Variants in ZFPM1 observed in about 807,000 individuals in gnomAD.
ZFPM1 encodes zinc finger protein ZFPM1.
ZFPM1 carries 28 observed loss-of-function variants against 46.3 expected under a neutral mutation model. The ratio of observed to expected loss-of-function variants is 0.60; its 90% CI spans 0.45 to 0.83. The LOEUF (loss-of-function observed/expected upper bound fraction) is 0.83. Ranked by LOEUF, ZFPM1 falls within the 40% of genes least tolerant of loss-of-function variation. The probability of loss-of-function intolerance (pLI) is 0.00; values close to 1 mark genes in which losing one functional copy is unlikely to be tolerated. For missense variants in ZFPM1, 1,878 were observed against 1,432.4 expected (o/e 1.31, Z -5.02); for synonymous variants, 957 against 675.9 (o/e 1.42, Z -6.45).
intron 3 of ZFPM1, among the ~76,000 whole-genome samples, chr16:88,506,260 T>G (rs539705186): frequency 3.8e-5 from 2 of 52,278 alleles, no homozygotes; most frequent in African/African-American, 9.9e-5. Context: ...GGCACCAGGG[T>G]CAGGGGGCAG....
intron 3 of ZFPM1, among the ~76,000 whole-genome samples, chr16:88,498,681 A>G (rs1433253145): frequency 6.6e-6 from 1 of 152,218 alleles, no homozygotes; most frequent in Non-Finnish European, 1.5e-5. Flanking sequence ...CCGAGGGCGC[A>G]GTCCCGGAGC....
At chr16:88,499,104 C>T (rs994783028) in intron 3 of ZFPM1, among the ~76,000 whole-genome samples, 1 of 152,186 alleles carries the variant, frequency 6.6e-6, no homozygotes. Context: ...CAACGGCCCC[C>T]GTGGCTCCCC....
chr16:88,456,404 A>AC (rs1487508952), intron 1 of ZFPM1, among the ~76,000 whole-genome samples: 3 of 152,108 alleles, frequency 2.0e-5, no homozygotes, highest in Non-Finnish European at 4.4e-5. Flanking sequence ...TGAAAAAAAA[A>AC]AAATCAAGGT....
rs2033586183 is a variant in ZFPM1 at position 88,526,825 on chromosome 16, G to T, written c.414G>T (p.Leu138=). The T allele has an allele frequency of 6.7e-7, 1 of 1,481,736 alleles. No individual in the cohort carries two copies. The highest frequency in any genetic ancestry group is 9.2e-7 in the Non-Finnish European group (1 of 1,092,314). 91.8% of individuals were successfully genotyped at this position (1,481,736 alleles called of 1,614,324 possible). The change falls in exon 5 of 10, where the codon CTG becomes CTT. Residue 138 remains leucine, a synonymous_variant. Coordinates refer to ENST00000319555, the MANE Select transcript of ZFPM1 (RefSeq NM_153813.3). ...SPRQAEPSPA[L]TLLLVDEACW... ...CCCTCCCCCCCCAGAGCCCAGCCCT[G>T]ACCCTGCTGCTGGTGGACGAGGCCT...
In ZFPM1 at chr16:88,497,784, C is replaced by T. The variant is rs557782608; in HGVS notation, c.268+8631C>T. ...CCCCAGGGTCCCGACAGGGCCCGCC[C>T]GAGGCTGGGAATCCTCACCCGAGTG... On this transcript the variant is annotated intron_variant, in intron 3 of 9. Transcript: ENST00000319555. This position sits in a 1 kb window ranked among gnomAD's most constrained non-coding sequence, Gnocchi z 5.4. Among the ~76,000 whole-genome samples the T allele has an allele frequency of 1.1e-4, 17 of 152,270 alleles. No homozygotes were observed. The highest frequency in any genetic ancestry group is 4.1e-4 in the African/African-American group (17 of 41,562).
chr16:88,493,437 G>A (rs1298152975), intron 3 of ZFPM1, among the ~76,000 whole-genome samples: 2 of 141,214 alleles, frequency 1.4e-5, no homozygotes, highest in Non-Finnish European at 3.1e-5. Flanking sequence ...CTGTCCCGGG[G>A]TACGGAGAGC....
intron 4 of ZFPM1, among the ~76,000 whole-genome samples, chr16:88,523,808 C>T (rs554968694): frequency 2.7e-4 from 41 of 152,174 alleles, no homozygotes; most frequent in Non-Finnish European, 4.0e-4. Flanking sequence ...GGGTCGGGGG[C>T]GGGTGCCGGA....
chr16:88,506,595 A>G (rs1910674649), intron 3 of ZFPM1, among the ~76,000 whole-genome samples: 2 of 152,176 alleles, frequency 1.3e-5, no homozygotes, highest in Admixed American at 1.3e-4. Context: ...TGAGGAGCAG[A>G]GCCATTTCCC....
intron 1 of ZFPM1, among the ~76,000 whole-genome samples, chr16:88,461,106 C>A (rs1269670324): frequency 3.4e-4 from 21 of 61,902 alleles, no homozygotes; most frequent in African/African-American, 5.4e-4. Flanking sequence ...GGGCAGGAGG[C>A]CCTGGTGAGG....
intron 2 of ZFPM1, among the ~76,000 whole-genome samples, chr16:88,488,401 C>G (rs1424449367): frequency 3.3e-5 from 5 of 152,270 alleles, no homozygotes; most frequent in Non-Finnish European, 5.9e-5. Context: ...AGCGCAGGAG[C>G]TGTCTGCCGC....
intron 3 of ZFPM1, among the ~76,000 whole-genome samples, chr16:88,501,121 A>ATAGCGGT (rs1567540945): frequency 2.6e-5 from 3 of 113,766 alleles, no homozygotes; most frequent in African/African-American, 1.3e-4. Context: ...GAGATAGCAG[A>ATAGCGGT]CATGGATGCG....
rs751190424 is a variant in ZFPM1 at position 88,534,808 on chromosome 16, C to G, written c.2850C>G (p.Pro950=). 6.8e-6 allele frequency: 10 copies of G among 1,470,874 alleles called. No individual in the cohort carries two copies. Among genetic ancestry groups the G allele is most frequent in the Middle Eastern group, 1.9e-4 (1 of 5,338 alleles). The allele number at this position is 1,470,874 out of a possible 1,614,324, so 91.1% of individuals were successfully genotyped here. A position where few individuals can be genotyped will look rare whatever the true frequency, so the allele number is the denominator to read the frequency against. Reference sequence around the variant, plus strand: ...CCGTGCCGCCCCCGCCGGCGCCCCCCTCCTACTCGGACAAGGGCGTCCAGA... The same window carrying G: ...CCGTGCCGCCCCCGCCGGCGCCCCCGTCCTACTCGGACAAGGGCGTCCAGA... ...PEAVPPPPAP[P]SYSDKGVQTP... The change falls in exon 10 of 10, where the codon CCC becomes CCG. Residue 950 remains proline (P), a synonymous_variant. Transcript: ENST00000319555.
intron 2 of ZFPM1, among the ~76,000 whole-genome samples, chr16:88,486,367 C>A (rs975072081): frequency 6.6e-6 from 1 of 152,374 alleles, no homozygotes; most frequent in East Asian, 1.9e-4. Flanking sequence ...CCTCAGTAGA[C>A]CCTCTGTGAA....
intron 1 of ZFPM1, among the ~76,000 whole-genome samples, chr16:88,455,780 A>G (rs1361320084): frequency 6.6e-6 from 1 of 152,142 alleles, no homozygotes; most frequent in Non-Finnish European, 1.5e-5. Flanking sequence ...CAAACGTGGG[A>G]GCGGGGGCAG....
rs1476856427 is a variant in ZFPM1, at chr16:88,532,935, G to A, written c.1189G>A (p.Asp397Asn). 6.2e-7 allele frequency: 1 copy of A among 1,612,938 alleles called. No individual in the cohort carries two copies. Among genetic ancestry groups the A allele is most frequent in the Non-Finnish European group, 8.5e-7 (1 of 1,179,950 alleles). The change falls in exon 9 of 10, where the codon GAC becomes AAC. Residue 397 changes from aspartate (D) to asparagine (N), a missense_variant and splice_region_variant. By Grantham distance (23) the Asp-to-Asn change is conservative. Coordinates refer to ENST00000319555, the MANE Select transcript of ZFPM1 (RefSeq NM_153813.3). ...ACACCCAGCAACCAAGCTGCCCCCA[G>A]GTGAGCAGCCCTGTGGGGGCCACCC... is the stretch of plus-strand genomic sequence containing the variant. ...AGHPATKLPP[D>N]SLGSFQQQHT... is the part of the protein sequence containing the mutation.
chr16:88,479,720 A>G (rs1172932285), intron 1 of ZFPM1, among the ~76,000 whole-genome samples: 1 of 55,204 alleles, frequency 1.8e-5, no homozygotes, highest in Admixed American at 2.4e-4. Context: ...CCTGCTACCC[A>G]GGGCCAGCAA....
At chr16:88,516,601 C>A (rs1485304027) in intron 4 of ZFPM1, 1 of 398,676 alleles carries the variant, frequency 2.5e-6, no homozygotes, top group Non-Finnish European at 4.4e-6. Context: ...CCAGACACAC[C>A]GTACAAGATG....
At chr16:88,527,905 G>GCAGCCAGC (rs1201046725) in intron 5 of ZFPM1, 127 bp from the exon 6 acceptor site, 1 of 959,004 alleles carries the variant, frequency 1.0e-6, no homozygotes, top group Non-Finnish European at 1.5e-6. Flanking sequence ...GATGGCCCTG[G>GCAGCCAGC]CAGCCAGCCA....
intron 5 of ZFPM1, among the ~76,000 whole-genome samples, chr16:88,527,225 G>A (rs1403684650): frequency 6.6e-6 from 1 of 152,186 alleles, no homozygotes; most frequent in Non-Finnish European, 1.5e-5. Flanking sequence ...CCCTGCCTTG[G>A]CTGCACCTCT....
Sources: gnomAD v4.1 joint callset for allele counts (sites outside exome capture counted in the v4.1 genomes callset) on GRCh38, gnomAD v4.1.1 for gene constraint, Gnocchi (gnomAD v3.1) non-coding constraint, MANE v1.5 for transcripts, NCBI Gene and HGNC (gene_info 2026-07-23, HGNC 2026-07-21) for gene names.